Variants in SLC51B observed in about 807,000 individuals in gnomAD.
SLC51B encodes organic solute transporter subunit beta.
Under a neutral mutation model 8.0 loss-of-function variants are expected in SLC51B, and 6 were observed. That is an observed-to-expected ratio of 0.75 (90% confidence interval 0.41 to 1.48). SLC51B has a LOEUF of 1.48. SLC51B is among the 40% of genes most tolerant of loss of function. SLC51B has a pLI of 0.01. For missense variants in SLC51B, 150 were observed against 149.7 expected, an observed-to-expected ratio of 1.00 and a Z score of -0.01; for synonymous variants, 61 against 54.8, an observed-to-expected ratio of 1.11 and a Z score of -0.50.
rs147929127 is a variant in SLC51B, at chr15:65,046,966, G to A, written c.-109+1384G>A. Among the ~76,000 whole-genome samples, 176 of 152,160 alleles carry A rather than the reference G, an allele frequency of 1.2e-3. 2 individuals are homozygous for A. In the East Asian group the frequency reaches 0.022, roughly 19 times the overall value. ...CCACTGTGGACAATAGCTTACCTGCGTCTTTGTACACTGATCTGATTAGTT... is the reference window on the plus strand; with the variant it reads ...CCACTGTGGACAATAGCTTACCTGCATCTTTGTACACTGATCTGATTAGTT... On this transcript the variant is annotated intron_variant, in intron 1 of 3. Coordinates refer to ENST00000334287, the MANE Select transcript of SLC51B (RefSeq NM_178859.4).
At chr15:65,050,824 C>CTTT (rs1396278283) in intron 2 of SLC51B, among the ~76,000 whole-genome samples, 1 of 114,926 alleles carries the variant, frequency 8.7e-6, no homozygotes, top group Admixed American at 9.8e-5. Context: ...TTTTTTCTTT[C>CTTT]TTCTTCTTCT....
At chr15:65,049,794 G>A in intron 1 of SLC51B, 103 bp from the exon 2 acceptor site, 2 of 425,926 alleles carry the variant, frequency 4.7e-6, no homozygotes, top group Non-Finnish European at 8.4e-6. Context: ...CGTTCGGGTC[G>A]TTTTTGTCCC....
At chr15:65,048,918 G>A (rs930710666) in intron 1 of SLC51B, among the ~76,000 whole-genome samples, 1 of 150,230 alleles carries the variant, frequency 6.7e-6, no homozygotes, top group African/African-American at 2.4e-5. Flanking sequence ...GCTGAGACAG[G>A]AGAATCGCTT....
chr15:65,050,202 C>A (rs979826124), intron 2 of SLC51B, 101 bp downstream of exon 2: 2 of 899,700 alleles, frequency 2.2e-6, no homozygotes, highest in African/African-American at 1.7e-5. Flanking sequence ...CCAGGTCAGG[C>A]GGTACATTTC....
intron 1 of SLC51B, among the ~76,000 whole-genome samples, chr15:65,046,030 TGGCTCATGCC>T (rs1248269839): frequency 1.3e-5 from 2 of 152,114 alleles, no homozygotes; most frequent in Non-Finnish European, 2.9e-5. Flanking sequence ...CCGGGTGCGG[TGGCTCATGCC>T]TGTAATCCCA....
chr15:65,053,322 G>A lies in SLC51B; in HGVS notation c.*158G>A. On this transcript the variant is annotated 3_prime_UTR_variant, in exon 4 of 4. Coordinates refer to ENST00000334287, the MANE Select transcript of SLC51B (RefSeq NM_178859.4). ...TCTTAGCAGATACAATGAATGAACT[G>A]CAAGCAAACTAAAATTCTGTTATTA... The A allele has an allele frequency of 7.1e-7, 1 of 1,416,134 alleles. No individual in the cohort carries two copies. The highest frequency in any genetic ancestry group is 9.2e-7 in the Non-Finnish European group (1 of 1,091,284). The allele number at this position is 1,416,134 out of a possible 1,614,324, so 87.7% of individuals were successfully genotyped here.
rs755993629 is a variant in SLC51B at position 65,053,170 on chromosome 15, G to A, written c.*6G>A. ...TACCAGAAACTGAGAGCTAGTGAGG[G>A]TTCAGAGAAGCCCCATCCTAAGCCA... On this transcript the variant is annotated 3_prime_UTR_variant, in exon 4 of 4. Coordinates refer to ENST00000334287, the MANE Select transcript of SLC51B (RefSeq NM_178859.4). The A allele has an allele frequency of 5.0e-6, 8 of 1,613,318 alleles. No individual in the cohort carries two copies. In the African/African-American group the frequency reaches 9.3e-5, roughly 19 times the overall value.
intron 1 of SLC51B, among the ~76,000 whole-genome samples, chr15:65,047,103 T>C (rs28688080): frequency 0.49 from 74,031 of 151,872 alleles, 18,728 homozygotes; most frequent in African/African-American, 0.6. Context: ...ACACCTGTAA[T>C]CCCAGCACTT....
intron 2 of SLC51B, among the ~76,000 whole-genome samples, chr15:65,050,810 C>CTTT (rs111590431): frequency 7.8e-6 from 1 of 127,794 alleles, no homozygotes; most frequent in East Asian, 2.2e-4. Flanking sequence ...TCTTTCTTTC[C>CTTT]TTTTTTTTTC....
intron 1 of SLC51B, among the ~76,000 whole-genome samples, chr15:65,046,406 G>A (rs1030362330): frequency 2.6e-5 from 4 of 152,102 alleles, no homozygotes; most frequent in African/African-American, 7.2e-5. Flanking sequence ...GGAGGTGGAG[G>A]TTGCAGTGAG....
intron 3 of SLC51B, among the ~76,000 whole-genome samples, 175 bp downstream of exon 3, chr15:65,051,780 A>AAACAAACC (rs981424357): frequency 4.0e-5 from 6 of 151,400 alleles, no homozygotes; most frequent in African/African-American, 1.2e-4. Flanking sequence ...ACAAACAAAC[A>AAACAAACC]AACAAACAAA....
intron 2 of SLC51B, 51 bp from the exon 3 acceptor site, chr15:65,051,464 G>T: frequency 6.4e-7 from 1 of 1,574,216 alleles, no homozygotes; most frequent in South Asian, 1.1e-5. Flanking sequence ...TAGCGGGCTT[G>T]AGAGGTGCCT....
chr15:65,051,392 A>T, intron 2 of SLC51B, 123 bp from the exon 3 acceptor site: 1 of 848,398 alleles, frequency 1.2e-6, no homozygotes, highest in Non-Finnish European at 1.9e-6. Flanking sequence ...ATCTTTGATT[A>T]GGGTCTCCAC....
At chr15:65,049,731 A>G in intron 1 of SLC51B, 166 bp from the exon 2 acceptor site, 1 of 314,182 alleles carries the variant, frequency 3.2e-6, no homozygotes, top group Non-Finnish European at 5.9e-6. Flanking sequence ...TAAATATTTG[A>G]GTCACTCCCA....
intron 1 of SLC51B, among the ~76,000 whole-genome samples, chr15:65,048,482 T>C (rs970475340): frequency 7.2e-5 from 11 of 152,176 alleles, no homozygotes; most frequent in Non-Finnish European, 1.5e-4. Flanking sequence ...CAAAGGCTAT[T>C]TGGGGCTGAG....
chr15:65,051,791 AAACAGCAACAG>A (rs1235621629), intron 3 of SLC51B, among the ~76,000 whole-genome samples, 186 bp downstream of exon 3: 1 of 100,438 alleles, frequency 1.0e-5, no homozygotes, highest in Non-Finnish European at 2.2e-5. Flanking sequence ...AACAAACAAA[AAACAGCAACAG>A]TCCCTGATTA....
chr15:65,048,661 C>T (rs571763429), intron 1 of SLC51B, among the ~76,000 whole-genome samples: 10 of 152,308 alleles, frequency 6.6e-5, no homozygotes, highest in Non-Finnish European at 1.5e-4. Context: ...CTACTCCCTT[C>T]CTCCTCCTCC....
In SLC51B at chr15:65,053,092, G is replaced by C; in HGVS notation, c.315G>C (p.Gln105His). Residue 105 changes from glutamine to histidine, a missense_variant, in exon 4 of 4, where the codon CAG (glutamine) becomes CAC (histidine). By Grantham distance (24) the Gln-to-His change is conservative. Coordinates refer to ENST00000334287, the MANE Select transcript of SLC51B (RefSeq NM_178859.4). ...TCTCAGAAAAGCCAAACTTGGCCCAGGTGGAACTTGAGTTAAAAGAGAGAG... is the reference window on the plus strand; with the variant it reads ...TCTCAGAAAAGCCAAACTTGGCCCACGTGGAACTTGAGTTAAAAGAGAGAG... ...TLLSEKPNLA[Q>H]VELELKERDV... 6.2e-7 allele frequency: 1 copy of C among 1,614,144 alleles called. No individual in the cohort carries two copies. Among genetic ancestry groups the C allele is most frequent in the Non-Finnish European group, 8.5e-7 (1 of 1,180,048 alleles).
rs561384209 is a variant in SLC51B, at chr15:65,047,434, T to C, written c.-109+1852T>C. On this transcript the variant is annotated intron_variant, in intron 1 of 3. Coordinates refer to ENST00000334287, the MANE Select transcript of SLC51B (RefSeq NM_178859.4). ...ACATGTATTGTTCTCATGAAAGCAG[T>C]GTATACGCATAAGAAACCACACAAT... is the stretch of plus-strand genomic sequence containing the variant. Among the ~76,000 whole-genome samples the C allele has an allele frequency of 2.0e-5, 3 of 152,232 alleles. No homozygotes were observed. The South Asian group carries it at 6.2e-4, about 32-fold the overall frequency.
Sources: gnomAD v4.1 joint callset for allele counts (sites outside exome capture counted in the v4.1 genomes callset) on GRCh38, gnomAD v4.1.1 for gene constraint, MANE v1.5 for transcripts, NCBI Gene and HGNC (gene_info 2026-07-23, HGNC 2026-07-21) for gene names.